IRAK3: variants seen among roughly 807,000 people sequenced by gnomAD.
IRAK3 encodes interleukin 1 receptor associated kinase 3, also known as interleukin-1 receptor-associated kinase 3.
IRAK3 carries 57 observed loss-of-function variants against 56.6 expected under a neutral mutation model. The ratio of observed to expected loss-of-function variants is 1.01; its 90% CI spans 0.81 to 1.26. The LOEUF (loss-of-function observed/expected upper bound fraction) is 1.26. Among genes scored for constraint, IRAK3 ranks in the 50% most tolerant of loss-of-function variants. The pLI, the probability that IRAK3 is intolerant of heterozygous loss-of-function variation, is 0.00. For synonymous variants in IRAK3, 258 were observed against 255.7 expected (o/e 1.01, Z -0.09); for missense variants, 703 against 719.0 (o/e 0.98, Z 0.25).
chr12:66,217,113 A>G (rs2136929958), intron 5 of IRAK3, 58 bp from the exon 6 acceptor site: 1 of 1,260,602 alleles, frequency 7.9e-7, no homozygotes, highest in East Asian at 2.3e-5. Context: ...ACCCTGGGTT[A>G]AGAATCCCAG....
At chr12:66,215,108 GC>G (rs2052655917) in intron 5 of IRAK3, among the ~76,000 whole-genome samples, 1 of 152,134 alleles carries the variant, frequency 6.6e-6, no homozygotes, top group African/African-American at 2.4e-5. Context: ...GAAACAACCA[GC>G]TGGCCCAACT....
At chr12:66,241,462 A>G (rs566265429) in intron 8 of IRAK3, among the ~76,000 whole-genome samples, 3 of 152,274 alleles carry the variant, frequency 2.0e-5, no homozygotes, top group Admixed American at 2.0e-4. Flanking sequence ...GGATTAACTT[A>G]CTCAGCTGAC....
In IRAK3 at chr12:66,244,649, C is replaced by G. The variant is rs777095382; in HGVS notation, c.1051C>G (p.Leu351Val). 1.9e-6 allele frequency: 3 copies of G among 1,613,994 alleles called. No individual in the cohort carries two copies. In the South Asian group the frequency reaches 3.3e-5, roughly 18 times the overall value. ...MPEEYIRQGK[L>V]SIKTDVYSFG... Reference sequence around the variant, plus strand: ...AGAAGAGTACATCAGACAGGGGAAACTTTCCATTAAAACAGATGTCTACAG... The same window carrying G: ...AGAAGAGTACATCAGACAGGGGAAAGTTTCCATTAAAACAGATGTCTACAG... Residue 351 changes from leucine to valine, a missense_variant, in exon 9 of 12, where the codon CTT becomes GTT. Physicochemically the swap from Leu to Val is conservative, Grantham distance 32 (BLOSUM62 1). Coordinates refer to ENST00000261233, the MANE Select transcript of IRAK3 (RefSeq NM_007199.3).
At chr12:66,233,786 CTT>C (rs113771362) in intron 8 of IRAK3, among the ~76,000 whole-genome samples, 6 of 140,152 alleles carry the variant, frequency 4.3e-5, no homozygotes, top group Non-Finnish European at 6.2e-5. Context: ...TTTTCTTTTT[CTT>C]TTTTTTTTTT....
chr12:66,211,519 A>T lies in IRAK3; in HGVS notation c.510A>T (p.Leu170=). Residue 170 remains leucine (L), a synonymous_variant, in exon 5 of 12, where the codon CTA becomes CTT. Coordinates refer to ENST00000261233, the MANE Select transcript of IRAK3 (RefSeq NM_007199.3). ...CTAGAAATTTCCACAAAGACTTCCT[A>T]ATTGGAGAAGGAGAGATTTTTGAGG... ...EGTRNFHKDF[L]IGEGEIFEVY... 1 of 1,608,082 alleles carries T rather than the reference A, an allele frequency of 6.2e-7. No homozygotes were observed. The highest frequency in any genetic ancestry group is 1.1e-5 in the South Asian group (1 of 90,940).
intron 8 of IRAK3, among the ~76,000 whole-genome samples, chr12:66,238,692 C>T (rs1445323437): frequency 6.6e-6 from 1 of 152,166 alleles, no homozygotes; most frequent in African/African-American, 2.4e-5. Context: ...AGATAGCTTT[C>T]TAAGGAAGAA....
In IRAK3 at chr12:66,248,908, A is replaced by G. The variant is rs1400742523; in HGVS notation, c.*737A>G. 6.6e-6 allele frequency: 1 copy of G among 152,180 alleles called. No individual in the cohort carries two copies. The highest frequency in any genetic ancestry group is 1.9e-4 in the East Asian group (1 of 5,184). 9.4% of individuals were successfully genotyped at this position (152,180 alleles called of 1,614,324 possible). On this transcript the variant is annotated 3_prime_UTR_variant, in exon 12 of 12. Transcript: ENST00000261233. ...TCAAGTAATTTTTATTCCTGAGAAA[A>G]TGGCTGGTCAAGGGCCTAGGTCAGC... is the stretch of plus-strand genomic sequence containing the variant.
intron 3 of IRAK3, 141 bp downstream of exon 3, chr12:66,209,661 T>C (rs2052593250): frequency 4.3e-6 from 3 of 692,630 alleles, no homozygotes; most frequent in African/African-American, 3.5e-5. Context: ...TCTCTCATTA[T>C]TCTCTATTTA....
intron 8 of IRAK3, among the ~76,000 whole-genome samples, chr12:66,230,206 A>G (rs2052829624): frequency 6.6e-6 from 1 of 152,138 alleles, no homozygotes; most frequent in Non-Finnish European, 1.5e-5. Flanking sequence ...ATTTGGTGAG[A>G]GCACAGGCTT....
At chr12:66,225,473 G>A (rs2052776667) in intron 6 of IRAK3, among the ~76,000 whole-genome samples, 1 of 151,876 alleles carries the variant, frequency 6.6e-6, no homozygotes, top group African/African-American at 2.4e-5. Context: ...CACAATATAT[G>A]TAGGAATGTG....
rs753600407 is a variant in IRAK3, at chr12:66,247,920, G to A, written c.1540G>A (p.Val514Ile). The change falls in exon 12 of 12, where the codon GTT (valine) becomes ATT (isoleucine). Residue 514 changes from valine to isoleucine, a missense_variant. Val to Ile is a conservative substitution (Grantham distance 29). Coordinates refer to ENST00000261233, the MANE Select transcript of IRAK3 (RefSeq NM_007199.3). ...TCCTTTTGAATGCAGCCAGTCTGAG[G>A]TTATGTTTCTGAGCTTGGACAAAAA... is the stretch of plus-strand genomic sequence containing the variant. Reference protein sequence around the residue: ...KTPFECSQSEVMFLSLDKKPE... With the variant: ...KTPFECSQSEIMFLSLDKKPE... 5.0e-6 allele frequency: 8 copies of A among 1,614,082 alleles called. No individual in the cohort carries two copies. In the South Asian group the frequency reaches 5.5e-5, roughly 11 times the overall value.
rs553307527 is a variant in IRAK3, at chr12:66,197,676, C to T, written c.134-6035C>T. 2,237 of 985,212 alleles carry T rather than the reference C, an allele frequency of 2.3e-3. 3 individuals carry two copies. Among genetic ancestry groups the T allele is most frequent in the Non-Finnish European group, 2.5e-3 (2,099 of 829,768 alleles). 61.0% of individuals were successfully genotyped at this position (985,212 alleles called of 1,614,324 possible). ...TGAACTTCTGCTATTAGAAAAAATG[C>T]CTTTGTCTAATCTAGCTTTCCTTAG... is the stretch of plus-strand genomic sequence containing the variant. On this transcript the variant is annotated intron_variant, in intron 1 of 11. Transcript: ENST00000261233.
rs57185737 is a variant in IRAK3 at position 66,208,324 on chromosome 12, T to TAC, written c.317-1114_317-1113dup. Among the ~76,000 whole-genome samples, 175 of 150,018 alleles carry TAC rather than the reference T, an allele frequency of 1.2e-3. 1 individual carries two copies. Among genetic ancestry groups the TAC allele is most frequent in the Middle Eastern group, 0.01 (3 of 292 alleles). ...TGGGGTGGTAAGTATTTGTCATTGA[T>TAC]ACACACACACACACACACAAACACA... On this transcript the variant is annotated intron_variant, in intron 2 of 11. Transcript: ENST00000261233.
At chr12:66,190,582 A>G (rs985019693) in intron 1 of IRAK3, among the ~76,000 whole-genome samples, 1 of 152,166 alleles carries the variant, frequency 6.6e-6, no homozygotes, top group African/African-American at 2.4e-5. Flanking sequence ...ATGTTGGTGA[A>G]TGGGGCCAGG....
At chr12:66,221,252 T>C (rs1269506003) in intron 6 of IRAK3, among the ~76,000 whole-genome samples, 1 of 152,242 alleles carries the variant, frequency 6.6e-6, no homozygotes, top group African/African-American at 2.4e-5. Flanking sequence ...TGTTTATTGT[T>C]CTAACAGTTT....
chr12:66,206,750 T>G (rs915152694), intron 2 of IRAK3, among the ~76,000 whole-genome samples: 1 of 152,272 alleles, frequency 6.6e-6, no homozygotes, highest in African/African-American at 2.4e-5. Flanking sequence ...AATTGTTCTA[T>G]CTTTTTCTAT....
intron 6 of IRAK3, among the ~76,000 whole-genome samples, chr12:66,218,914 T>C (rs1416449150): frequency 6.6e-6 from 1 of 152,200 alleles, no homozygotes; most frequent in Non-Finnish European, 1.5e-5. Flanking sequence ...ATAAGTGAGA[T>C]CATGCAGTAT....
chr12:66,197,109 T>C (rs2052461942), intron 1 of IRAK3: 2 of 1,310,050 alleles, frequency 1.5e-6, no homozygotes, highest in African/African-American at 3.0e-5. Flanking sequence ...CTGAACTTCT[T>C]AGGTTGACTT....
chr12:66,224,568 A>G (rs937922914), intron 6 of IRAK3, among the ~76,000 whole-genome samples: 5 of 152,234 alleles, frequency 3.3e-5, no homozygotes, highest in Non-Finnish European at 7.3e-5. Context: ...TAAACTCCAT[A>G]GAATGTGGCT....
Sources: allele counts gnomAD v4.1 joint callset (sites outside exome capture counted in the v4.1 genomes callset), GRCh38; gene constraint gnomAD v4.1.1; transcripts MANE v1.5; gene names NCBI Gene and HGNC (gene_info 2026-07-23, HGNC 2026-07-21).